SPOCK1: variants seen among roughly 807,000 people sequenced by gnomAD.
The protein encoded by SPOCK1 is SPARC (osteonectin), cwcv and kazal like domains proteoglycan 1.
A neutral mutation model predicts 55.3 loss-of-function variants in SPOCK1; 23 were observed. The ratio of observed to expected loss-of-function variants is 0.42; its 90% CI spans 0.30 to 0.59. SPOCK1 has a LOEUF of 0.59. SPOCK1 is among the 20% of genes least tolerant of loss of function. The pLI is 0.22. For synonymous variants in SPOCK1, 226 were observed against 221.0 expected (o/e 1.02, Z -0.20); for missense variants, 499 against 552.5 (o/e 0.90, Z 0.97).
chr5:137,031,283 T>A (rs1235646624), intron 6 of SPOCK1, among the ~76,000 whole-genome samples: 2 of 152,214 alleles, frequency 1.3e-5, no homozygotes, highest in Non-Finnish European at 2.9e-5. Flanking sequence ...CAGAATTCTT[T>A]CCATTAAACT....
intron 2 of SPOCK1, among the ~76,000 whole-genome samples, chr5:137,404,723 A>G (rs1752059226): frequency 6.6e-6 from 1 of 152,106 alleles, no homozygotes; most frequent in Non-Finnish European, 1.5e-5. Flanking sequence ...GGCCTAAAAT[A>G]ACATTTTAAA....
chr5:136,992,676 C>T, intron 6 of SPOCK1, 76 bp from the exon 7 acceptor site: 1 of 1,199,776 alleles, frequency 8.3e-7, no homozygotes, highest in East Asian at 2.4e-5. Flanking sequence ...CTGGCAAAGC[C>T]ACGTTCAAAG....
At chr5:137,298,699 G>A (rs1757533572) in intron 2 of SPOCK1, among the ~76,000 whole-genome samples, 1 of 152,120 alleles carries the variant, frequency 6.6e-6, no homozygotes, top group Non-Finnish European at 1.5e-5. Flanking sequence ...ATTGATGACT[G>A]TTAGGTTTTC....
At chr5:137,214,620 AAAT>A (rs1442082388) in intron 3 of SPOCK1, among the ~76,000 whole-genome samples, 2 of 152,234 alleles carry the variant, frequency 1.3e-5, no homozygotes, top group Non-Finnish European at 2.9e-5. Context: ...CAATTGGGAT[AAAT>A]AATAAGACAA....
chr5:137,313,544 C>A (rs967105591), intron 2 of SPOCK1: 1 of 949,204 alleles, frequency 1.1e-6, no homozygotes. Context: ...GTCACAGGCT[C>A]CAGCCTGCCT....
intron 2 of SPOCK1, among the ~76,000 whole-genome samples, chr5:137,288,383 C>T (rs1042452691): frequency 4.6e-5 from 7 of 152,168 alleles, no homozygotes; most frequent in African/African-American, 1.7e-4. Context: ...CAATAAGCTG[C>T]CCACAACATA....
chr5:137,014,679 C>T (rs769524050), intron 6 of SPOCK1, among the ~76,000 whole-genome samples: 6 of 152,198 alleles, frequency 3.9e-5, no homozygotes, highest in Non-Finnish European at 8.8e-5. Flanking sequence ...CTGAGCTTAT[C>T]ACCCATAATG....
At chr5:137,126,081 T>G (rs1753777266) in intron 4 of SPOCK1, among the ~76,000 whole-genome samples, 1 of 152,210 alleles carries the variant, frequency 6.6e-6, no homozygotes, top group African/African-American at 2.4e-5. Flanking sequence ...GCTGTTTGGG[T>G]CATGGAGCAA....
chr5:137,059,179 T>A (rs887711403), intron 6 of SPOCK1, among the ~76,000 whole-genome samples: 1 of 152,234 alleles, frequency 6.6e-6, no homozygotes, highest in African/African-American at 2.4e-5. Flanking sequence ...CCTAGGGGCA[T>A]CCAAGTGGAA....
intron 6 of SPOCK1, among the ~76,000 whole-genome samples, chr5:137,051,968 G>A (rs953325467): frequency 3.3e-5 from 5 of 152,170 alleles, no homozygotes; most frequent in Non-Finnish European, 5.9e-5. Context: ...AGGACCATGC[G>A]TGACTGTACT....
At chr5:137,066,894 T>G (rs183036024) in intron 6 of SPOCK1, among the ~76,000 whole-genome samples, 3 of 151,534 alleles carry the variant, frequency 2.0e-5, no homozygotes, top group Admixed American at 6.6e-5. Context: ...AAGAGCCAGA[T>G]AGATAAACGC....
chr5:137,257,347 A>C (rs1756655930), intron 3 of SPOCK1, among the ~76,000 whole-genome samples: 1 of 152,200 alleles, frequency 6.6e-6, no homozygotes. Flanking sequence ...CATTAGAGGT[A>C]GGGCCTTTGG....
chr5:137,195,454 A>G (rs920226899), intron 3 of SPOCK1, among the ~76,000 whole-genome samples: 1 of 152,248 alleles, frequency 6.6e-6, no homozygotes, highest in African/African-American at 2.4e-5. Context: ...ATCTTAACAA[A>G]GCATGCAGGC....
At chr5:137,289,116 G>A (rs370147491) in intron 2 of SPOCK1, among the ~76,000 whole-genome samples, 1 of 152,204 alleles carries the variant, frequency 6.6e-6, no homozygotes, top group Non-Finnish European at 1.5e-5. Context: ...TCTATGAAAT[G>A]AGGTTATTAA....
chr5:137,186,438 C>A (rs1393647385), intron 3 of SPOCK1, among the ~76,000 whole-genome samples: 1 of 152,166 alleles, frequency 6.6e-6, no homozygotes, highest in Non-Finnish European at 1.5e-5. Flanking sequence ...TCCACTGTCA[C>A]CAGCATTGTC....
At chr5:137,248,002 G>A (rs979796335) in intron 3 of SPOCK1, among the ~76,000 whole-genome samples, 19 of 152,096 alleles carry the variant, frequency 1.2e-4, no homozygotes, top group South Asian at 4.2e-4. Context: ...CTTTGGCTGC[G>A]ACAAACAAAC....
intron 2 of SPOCK1, among the ~76,000 whole-genome samples, chr5:137,470,307 T>C (rs756753988): frequency 1.3e-5 from 2 of 152,144 alleles, no homozygotes; most frequent in Non-Finnish European, 2.9e-5. Context: ...TCAAGAAAAA[T>C]TTAAAGAGAA....
chr5:137,101,295 G>T (rs1325822335), intron 5 of SPOCK1, among the ~76,000 whole-genome samples: 1 of 152,220 alleles, frequency 6.6e-6, no homozygotes, highest in Non-Finnish European at 1.5e-5. Context: ...TTGGTAGGCA[G>T]AGATATCATG....
intron 2 of SPOCK1, among the ~76,000 whole-genome samples, chr5:137,306,830 T>C (rs1757708816): frequency 6.6e-6 from 1 of 152,224 alleles, no homozygotes. Flanking sequence ...CGTGTATATA[T>C]AATTCTGTGG....
Sources: allele counts gnomAD v4.1 joint callset (sites outside exome capture counted in the v4.1 genomes callset), GRCh38; gene constraint gnomAD v4.1.1; transcripts MANE v1.5; gene names NCBI Gene and HGNC (gene_info 2026-07-23, HGNC 2026-07-21).